TAF1A: variants seen among roughly 807,000 people sequenced by gnomAD.
TAF1A encodes TATA-box binding protein associated factor, RNA polymerase I subunit A.
TAF1A carries 42 observed loss-of-function variants against 61.6 expected under a neutral mutation model. The ratio of observed to expected loss-of-function variants is 0.68; its 90% CI spans 0.53 to 0.88. TAF1A has a LOEUF of 0.88. TAF1A is among the 40% of genes least tolerant of loss of function. TAF1A has a pLI of 0.00. For synonymous variants in TAF1A, 179 were observed against 177.7 expected (o/e 1.01, Z -0.06); for missense variants, 424 against 518.7 (o/e 0.82, Z 1.77).
chr1:222,568,489 G>A (rs187975242), intron 7 of TAF1A, among the ~76,000 whole-genome samples: 2 of 152,036 alleles, frequency 1.3e-5, no homozygotes, highest in Non-Finnish European at 2.9e-5. Context: ...GAAGATACAG[G>A]ATGGCCAATA....
At chr1:222,574,253 T>C (rs975276559) in intron 5 of TAF1A, among the ~76,000 whole-genome samples, 3 of 152,252 alleles carry the variant, frequency 2.0e-5, no homozygotes, top group African/African-American at 7.2e-5. Context: ...GTATGGTATG[T>C]GAATTATATC....
chr1:222,572,301 C>T (rs2102655417), intron 5 of TAF1A, among the ~76,000 whole-genome samples: 1 of 151,372 alleles, frequency 6.6e-6, no homozygotes, highest in African/African-American at 2.4e-5. Flanking sequence ...ACATGTAGAT[C>T]AATGGAAGAT....
At position 222,558,780 on chromosome 1, in the gene TAF1A, G is replaced by T; in HGVS notation, c.1241-8C>A. The T allele has an allele frequency of 7.0e-7, 1 of 1,429,518 alleles. No individual in the cohort carries two copies. Among genetic ancestry groups the T allele is most frequent in the East Asian group, 2.4e-5 (1 of 41,880 alleles). 88.6% of individuals were successfully genotyped at this position (1,429,518 alleles called of 1,614,324 possible). On this transcript the variant is annotated splice_region_variant and splice_polypyrimidine_tract_variant and intron_variant, in intron 10 of 10. Coordinates refer to ENST00000352967, the MANE Select transcript of TAF1A (RefSeq NM_005681.4). ...ACCGGAAATATCTACAACCTAAAAAGTTAAGCAAAATAAAAAGTTTTAATA... is the reference window on the plus strand; with the variant it reads ...ACCGGAAATATCTACAACCTAAAAATTTAAGCAAAATAAAAAGTTTTAATA...
chr1:222,586,794 T>C (rs139673154), intron 2 of TAF1A, among the ~76,000 whole-genome samples: 4 of 152,322 alleles, frequency 2.6e-5, no homozygotes, highest in East Asian at 1.9e-4. Flanking sequence ...CCAAAAGATA[T>C]CTACCAGCAT....
chr1:222,563,005 T>C (rs1162840895), intron 9 of TAF1A, among the ~76,000 whole-genome samples, 168 bp downstream of exon 9: 1 of 152,216 alleles, frequency 6.6e-6, no homozygotes, highest in Admixed American at 6.5e-5. Context: ...GTTCTCCTTA[T>C]GACTCTGTAT....
chr1:222,554,910 G>C (rs1423900464), downstream of TAF1A, among the ~76,000 whole-genome samples: 3 of 152,118 alleles, frequency 2.0e-5, no homozygotes, highest in Non-Finnish European at 4.4e-5. Context: ...TAATCAGCTA[G>C]GGACTAATAA....
At chr1:222,560,873 A>C (rs1049456392) in intron 10 of TAF1A, among the ~76,000 whole-genome samples, 44 of 152,336 alleles carry the variant, frequency 2.9e-4, no homozygotes, top group East Asian at 2.5e-3. Flanking sequence ...CTTTTCTTTG[A>C]AGAAAAAATC....
At chr1:222,564,228 T>G in intron 7 of TAF1A, 103 bp from the exon 8 acceptor site, 1 of 515,764 alleles carries the variant, frequency 1.9e-6, no homozygotes, top group Non-Finnish European at 3.4e-6. Context: ...ATATGCTCCC[T>G]TTAAATTTAT....
At chr1:222,571,554 A>C (rs1376284260) in intron 5 of TAF1A, among the ~76,000 whole-genome samples, 2 of 152,082 alleles carry the variant, frequency 1.3e-5, no homozygotes, top group Non-Finnish European at 2.9e-5. Flanking sequence ...AGATCAATAC[A>C]CAATAATCAA....
At chr1:222,583,941 C>T (rs970904535) in intron 3 of TAF1A, among the ~76,000 whole-genome samples, 187 bp downstream of exon 3, 1 of 151,912 alleles carries the variant, frequency 6.6e-6, no homozygotes, top group African/African-American at 2.4e-5. Flanking sequence ...ACATTTTAGT[C>T]CCCTTTAAAA....
chr1:222,582,412 A>T (rs774432792), intron 3 of TAF1A, among the ~76,000 whole-genome samples: 2 of 152,244 alleles, frequency 1.3e-5, no homozygotes, highest in African/African-American at 2.4e-5. Flanking sequence ...TCACAACCAC[A>T]AGGATGACTA....
intron 3 of TAF1A, among the ~76,000 whole-genome samples, chr1:222,580,260 T>A (rs1469870737): frequency 1.3e-5 from 2 of 152,216 alleles, no homozygotes; most frequent in Non-Finnish European, 2.9e-5. Flanking sequence ...CTTCATCATC[T>A]GCAAAATGAG....
Position 222,575,645 on chromosome 1 carries a change from C to T in TAF1A, c.604+1800G>A, listed in dbSNP as rs145133007. 9.2e-5 allele frequency among the ~76,000 whole-genome samples: 14 copies of T among 152,200 alleles called. No homozygotes were observed. The East Asian group carries it at 2.5e-3, about 27-fold the overall frequency. On this transcript the variant is annotated intron_variant, in intron 5 of 10. Coordinates refer to ENST00000352967, the MANE Select transcript of TAF1A (RefSeq NM_005681.4). ...AGAGCCACATAACAGCAAGAAAGTC[C>T]CAAGCTGACTCCAAGTACAAGTTCA...
intron 3 of TAF1A, among the ~76,000 whole-genome samples, chr1:222,583,769 T>C (rs1571829127): frequency 1.4e-5 from 2 of 145,680 alleles, no homozygotes; most frequent in South Asian, 2.1e-4. Flanking sequence ...ACCCAGGAGG[T>C]AAGAGATTGC....
chr1:222,587,333 C>T (rs1454192440), intron 2 of TAF1A, among the ~76,000 whole-genome samples: 2 of 152,150 alleles, frequency 1.3e-5, no homozygotes, highest in Non-Finnish European at 2.9e-5. Flanking sequence ...ACTCCTGATA[C>T]CACTTAAGAG....
chr1:222,584,292 C>CA lies in TAF1A; in HGVS notation c.126dup (p.Gly43TrpfsTer47). ...GCAAAATCCTTCCTCCTTTTCCCTCCAATGGCTATAAAAACGAAAAAGAAG... is the reference window on the plus strand; with the variant it reads ...GCAAAATCCTTCCTCCTTTTCCCTCCAAATGGCTATAAAAACGAAAAAGAAG... On this transcript the variant is annotated frameshift_variant, in exon 3 of 11. Transcript: ENST00000352967. LOFTEE classifies it high-confidence loss of function. 6.3e-7 allele frequency: 1 copy of CA among 1,585,278 alleles called. No individual in the cohort carries two copies.
chr1:222,582,542 C>T (rs1660826718), intron 3 of TAF1A, among the ~76,000 whole-genome samples: 1 of 152,158 alleles, frequency 6.6e-6, no homozygotes, highest in East Asian at 1.9e-4. Context: ...CTGGCAGTTC[C>T]TCAAGAGGCT....
At chr1:222,569,800 T>G in intron 6 of TAF1A, 132 bp from the exon 7 acceptor site, 4 of 789,804 alleles carry the variant, frequency 5.1e-6, no homozygotes, top group Non-Finnish European at 7.7e-6. Context: ...ATTTTTTCCC[T>G]GTATTTTGTT....
intron 3 of TAF1A, 147 bp downstream of exon 3, chr1:222,583,981 G>T: frequency 1.3e-6 from 1 of 752,766 alleles, no homozygotes; most frequent in East Asian, 2.8e-5. Context: ...TGCAAAAAAG[G>T]TCCCAATACA....
Sources: gnomAD v4.1 joint callset for allele counts (sites outside exome capture counted in the v4.1 genomes callset) on GRCh38, gnomAD v4.1.1 for gene constraint, MANE v1.5 for transcripts, NCBI Gene and HGNC (gene_info 2026-07-23, HGNC 2026-07-21) for gene names.